VPS13B: variants seen among roughly 807,000 people sequenced by gnomAD.
VPS13B encodes intermembrane lipid transfer protein VPS13B.
A neutral mutation model predicts 426.4 loss-of-function variants in VPS13B; 285 were observed. That is an observed-to-expected ratio of 0.67 (90% confidence interval 0.61 to 0.74). The LOEUF is 0.74. Among genes scored for constraint, VPS13B ranks in the 30% least tolerant of loss-of-function variants. The pLI is 0.00. For missense variants in VPS13B, 4,537 were observed against 4,782.6 expected, an observed-to-expected ratio of 0.95 and a Z score of 1.51; for synonymous variants, 1,676 against 1,676.4, an observed-to-expected ratio of 1.00 and a Z score of 0.01.
chr8:99,101,097 A>G (rs1192918396), intron 4 of VPS13B, among the ~76,000 whole-genome samples: 1 of 152,116 alleles, frequency 6.6e-6, no homozygotes, highest in Non-Finnish European at 1.5e-5. Flanking sequence ...AGGGAAACCA[A>G]TATTAGTCAT....
intron 19 of VPS13B, among the ~76,000 whole-genome samples, chr8:99,338,565 T>C (rs1811058980): frequency 6.6e-6 from 1 of 152,160 alleles, no homozygotes; most frequent in African/African-American, 2.4e-5. Context: ...TTAAAGCCTC[T>C]TCTGAGCACA....
chr8:99,817,785 G>A lies in VPS13B; in HGVS notation c.8343G>A (p.Glu2781=), dbSNP rs1372155157. The change falls in exon 45 of 62, where the codon GAG becomes GAA. Residue 2781 remains glutamate, a synonymous_variant. Coordinates refer to ENST00000357162, the MANE Select transcript of VPS13B (RefSeq NM_152564.5). ...TGTGCCTGGAATCCAAAGCCCCTGA[G>A]TACAGCATTGTCATTCAGGTTTGAA... ...RDVCLESKAP[E]YSIVIQVPSS... is the part of the protein sequence containing the mutation. 29 of 1,613,942 alleles carry A rather than the reference G, an allele frequency of 1.8e-5. No individual in the cohort carries two copies. The highest frequency in any genetic ancestry group is 2.5e-5 in the Non-Finnish European group (29 of 1,179,986).
chr8:99,218,267 T>C (rs1270550304), intron 17 of VPS13B, among the ~76,000 whole-genome samples: 1 of 152,200 alleles, frequency 6.6e-6, no homozygotes, highest in African/African-American at 2.4e-5. Flanking sequence ...TGAGTCCATA[T>C]GTAGCACACA....
intron 19 of VPS13B, among the ~76,000 whole-genome samples, chr8:99,351,368 G>A (rs1245191810): frequency 2.0e-5 from 3 of 151,822 alleles, no homozygotes; most frequent in Non-Finnish European, 2.9e-5. Flanking sequence ...AACTCCAACT[G>A]TCACCTTCTT....
intron 19 of VPS13B, among the ~76,000 whole-genome samples, chr8:99,300,880 G>GTTTAGT (rs1554718588): frequency 1.6e-5 from 2 of 123,774 alleles, no homozygotes; most frequent in Non-Finnish European, 3.4e-5. Context: ...ATTTAATATA[G>GTTTAGT]TTTTTTTTTT....
intron 59 of VPS13B, among the ~76,000 whole-genome samples, 177 bp downstream of exon 59, chr8:99,868,642 C>G (rs1372423919): frequency 6.6e-6 from 1 of 152,166 alleles, no homozygotes; most frequent in Non-Finnish European, 1.5e-5. Flanking sequence ...ACCATAGAAT[C>G]AGGAAACCAG....
Position 99,502,959 on chromosome 8 carries a change from T to A in VPS13B, c.4157+9T>A. 6.5e-7 allele frequency: 1 copy of A among 1,543,110 alleles called. No individual in the cohort carries two copies. The highest frequency in any genetic ancestry group is 9.0e-7 in the Non-Finnish European group (1 of 1,117,062). ...GATCACTATAGAAGCAGGTAAATAATGAATAATGAATATAAGAAAATCTGT... is the reference window on the plus strand; with the variant it reads ...GATCACTATAGAAGCAGGTAAATAAAGAATAATGAATATAAGAAAATCTGT... On this transcript the variant is annotated intron_variant, in intron 27 of 61. Transcript: ENST00000357162.
At chr8:99,516,738 T>C (rs1023623024) in intron 29 of VPS13B, among the ~76,000 whole-genome samples, 14 of 125,736 alleles carry the variant, frequency 1.1e-4, no homozygotes, top group Non-Finnish European at 2.2e-4. Flanking sequence ...CAGTGAGTTG[T>C]GGTCACACCA....
rs745370447 is a variant in VPS13B, at chr8:99,776,813, C to T, written c.7286C>T (p.Pro2429Leu). Residue 2429 changes from proline to leucine, a missense_variant, in exon 41 of 62, where the codon CCA (proline) becomes CTA (leucine). This residue lies in a region of VPS13B where 4,311 missense variants were observed against 4,474.3 expected (regional missense o/e 0.96). Transcript: ENST00000357162. ...SESGSQSTCD[P>L]LVTPTALAAC... The stretch of plus-strand genomic sequence containing the variant: ...TCTGGTTCTCAAAGCACTTGTGATC[C>T]ACTTGTGACTCCAACAGCCCTGGCT... 22 of 1,613,876 alleles carry T rather than the reference C, an allele frequency of 1.4e-5. No homozygotes were observed. Among genetic ancestry groups the T allele is most frequent in the Non-Finnish European group, 1.7e-5 (20 of 1,179,972 alleles).
chr8:99,794,737 C>A (rs1033290744), intron 43 of VPS13B, among the ~76,000 whole-genome samples: 8 of 152,144 alleles, frequency 5.3e-5, no homozygotes, highest in African/African-American at 1.9e-4. Context: ...ATTCTTTAAA[C>A]AACTTTGTAG....
At chr8:99,793,047 A>G (rs1288928799) in intron 43 of VPS13B, among the ~76,000 whole-genome samples, 1 of 150,218 alleles carries the variant, frequency 6.7e-6, no homozygotes, top group Non-Finnish European at 1.5e-5. Flanking sequence ...CTCTAAAAAA[A>G]AAAAAAAAAA....
intron 17 of VPS13B, among the ~76,000 whole-genome samples, chr8:99,211,233 T>C (rs1815073389): frequency 6.6e-6 from 1 of 152,218 alleles, no homozygotes; most frequent in Non-Finnish European, 1.5e-5. Context: ...GGGAGGCTTC[T>C]GGCAGTCACT....
chr8:99,477,318 T>C (rs1299074963), intron 24 of VPS13B, among the ~76,000 whole-genome samples: 1 of 152,234 alleles, frequency 6.6e-6, no homozygotes, highest in East Asian at 1.9e-4. Context: ...AATTTCTTTC[T>C]TGTGCTTTCT....
At chr8:99,141,415 G>A (rs961419073) in intron 12 of VPS13B, among the ~76,000 whole-genome samples, 8 of 152,132 alleles carry the variant, frequency 5.3e-5, no homozygotes, top group Admixed American at 2.0e-4. Context: ...CCTAAAGGAC[G>A]CATAGCAGGG....
At chr8:99,286,997 G>A (rs1319565951) in intron 19 of VPS13B, among the ~76,000 whole-genome samples, 2 of 152,082 alleles carry the variant, frequency 1.3e-5, no homozygotes, top group Admixed American at 6.6e-5. Context: ...GTTCCTTTCA[G>A]CCAGCTGCTT....
At chr8:99,371,890 T>C (rs1426894504) in intron 19 of VPS13B, among the ~76,000 whole-genome samples, 1 of 152,114 alleles carries the variant, frequency 6.6e-6, no homozygotes, top group East Asian at 1.9e-4. Flanking sequence ...AAGACTTAGA[T>C]GTAAAACCCA....
intron 24 of VPS13B, among the ~76,000 whole-genome samples, chr8:99,473,346 C>T (rs1363044135): frequency 6.6e-6 from 1 of 151,888 alleles, no homozygotes; most frequent in African/African-American, 2.4e-5. Context: ...CTTAAAAATG[C>T]AAGTTTGGTT....
chr8:99,458,798 C>A (rs1398213938), intron 23 of VPS13B, among the ~76,000 whole-genome samples: 2 of 152,094 alleles, frequency 1.3e-5, no homozygotes, highest in African/African-American at 4.8e-5. Flanking sequence ...TGTTTGAGTT[C>A]ATTGTAGATT....
rs545422863 is a variant in VPS13B, at chr8:99,097,659, A to G, written c.412+1227A>G. 3.3e-5 allele frequency among the ~76,000 whole-genome samples: 5 copies of G among 152,304 alleles called. No homozygotes were observed. The East Asian group carries it at 9.6e-4, about 29-fold the overall frequency. On this transcript the variant is annotated intron_variant, in intron 4 of 61. Transcript: ENST00000357162. ...GAAAGTATGGGAGATAATATAAGAG[A>G]CAAATAGTAGCCAAAAATAAATCTG...
Sources: allele counts gnomAD v4.1 joint callset (sites outside exome capture counted in the v4.1 genomes callset), GRCh38; gene constraint gnomAD v4.1.1; regional missense constraint gnomAD v4.1.1; transcripts MANE v1.5; gene names NCBI Gene and HGNC (gene_info 2026-07-23, HGNC 2026-07-21).